The following KIF26B variants were observed in gnomAD, a reference collection of about 807,000 sequenced individuals.
The protein encoded by KIF26B is kinesin-like protein KIF26B.
A neutral mutation model predicts 151.2 loss-of-function variants in KIF26B; 63 were observed. The ratio of observed to expected loss-of-function variants is 0.42; its 90% CI spans 0.34 to 0.51. The LOEUF (loss-of-function observed/expected upper bound fraction) is 0.51, where lower values mean the gene tolerates loss of function less well. Ranked by LOEUF, KIF26B falls within the 20% of genes least tolerant of loss-of-function variation. The pLI is 0.07. For synonymous variants in KIF26B, 1,357 were observed against 1,262.1 expected (o/e 1.08, Z -1.59); for missense variants, 2,813 against 2,913.6 (o/e 0.97, Z 0.79).
At position 245,588,308 on chromosome 1, in the gene KIF26B, C is replaced by T. The variant is rs1184440862; in HGVS notation, c.1351-14269C>T. 3.3e-5 allele frequency among the ~76,000 whole-genome samples: 5 copies of T among 152,194 alleles called. No individual in the cohort carries two copies. The East Asian group carries it at 9.6e-4, about 29-fold the overall frequency. On this transcript the variant is annotated intron_variant, in intron 5 of 14. Transcript: ENST00000407071. The stretch of plus-strand genomic sequence containing the variant: ...AGAGAAGACACGTCCTCCTAATGAT[C>T]CTCCGTATTAGAACTTACCATTCTG...
intron 3 of KIF26B, among the ~76,000 whole-genome samples, chr1:245,411,881 A>G (rs1173644): frequency 0.52 from 79,555 of 151,962 alleles, 21,105 homozygotes; most frequent in South Asian, 0.64. Flanking sequence ...TGACTGGAGT[A>G]AGGTGCCCTC....
At chr1:245,312,030 G>C (rs1671675398) in intron 2 of KIF26B, among the ~76,000 whole-genome samples, 1 of 152,230 alleles carries the variant, frequency 6.6e-6, no homozygotes, top group South Asian at 2.1e-4. Context: ...TCCGGGGAGT[G>C]GTAGGCTGAT....
At chr1:245,256,027 T>C (rs907016) in intron 2 of KIF26B, among the ~76,000 whole-genome samples, 78,966 of 151,970 alleles carry the variant, frequency 0.52, 21,227 homozygotes, top group East Asian at 0.68. Flanking sequence ...TTTTCCTTCC[T>C]TTTTATTGGT....
chr1:245,640,143 C>CTCTCTCTCTCTCTCTCTCTA, intron 9 of KIF26B, among the ~76,000 whole-genome samples: 1 of 31,922 alleles, frequency 3.1e-5, no homozygotes, highest in Admixed American at 3.4e-4. Context: ...CTCTCTCTCT[C>CTCTCTCTCTCTCTCTCTCTA]TATATATATA....
At chr1:245,651,723 T>C (rs906283157) in intron 10 of KIF26B, among the ~76,000 whole-genome samples, 1 of 152,146 alleles carries the variant, frequency 6.6e-6, no homozygotes, top group Non-Finnish European at 1.5e-5. Flanking sequence ...TGGATTCTCA[T>C]AGGAACCTCA....
chr1:245,542,163 G>A (rs550421639), intron 5 of KIF26B, among the ~76,000 whole-genome samples: 21 of 152,260 alleles, frequency 1.4e-4, no homozygotes, highest in Non-Finnish European at 3.1e-4. Context: ...GACCAGCCTG[G>A]GTAACATAGC....
intron 5 of KIF26B, among the ~76,000 whole-genome samples, chr1:245,588,518 C>T (rs2043251774): frequency 6.6e-6 from 1 of 152,186 alleles, no homozygotes; most frequent in African/African-American, 2.4e-5. Flanking sequence ...TCTTATCAAC[C>T]CGTCCTTCAC....
intron 2 of KIF26B, among the ~76,000 whole-genome samples, chr1:245,168,401 T>C (rs1190730357): frequency 6.6e-6 from 1 of 152,238 alleles, no homozygotes; most frequent in Non-Finnish European, 1.5e-5. Context: ...TTCCTGTTTC[T>C]TAATAAAGCT....
chr1:245,526,782 G>C (rs984411104), intron 4 of KIF26B, among the ~76,000 whole-genome samples: 2 of 152,268 alleles, frequency 1.3e-5, no homozygotes, highest in Non-Finnish European at 2.9e-5. Context: ...TGTTGCTTCA[G>C]GCAACAAATT....
intron 2 of KIF26B, among the ~76,000 whole-genome samples, chr1:245,315,796 G>A (rs909236458): frequency 2.0e-5 from 3 of 152,178 alleles, no homozygotes; most frequent in Non-Finnish European, 2.9e-5. Flanking sequence ...GGCTGCTGAC[G>A]TGGGAGGATT....
intron 10 of KIF26B, among the ~76,000 whole-genome samples, chr1:245,674,545 T>C (rs1462266399): frequency 6.6e-6 from 1 of 152,224 alleles, no homozygotes; most frequent in Non-Finnish European, 1.5e-5. Flanking sequence ...GGCAGTCTAT[T>C]GATTCAGGAG....
rs145906070 is a variant in KIF26B, at chr1:245,370,703, A to G, written c.999+3336A>G. The G allele has an allele frequency of 1.6e-4, 72 of 445,194 alleles. 1 individual carries two copies. Among genetic ancestry groups the G allele is most frequent in the African/African-American group, 1.3e-3 (67 of 50,030 alleles). 27.6% of individuals were successfully genotyped at this position (445,194 alleles called of 1,614,324 possible). ...CCTGTAAAATATTCAAAGTGAGGTG[A>G]AAGTTTGTGTGTAAGTCGGAAACAC... On this transcript the variant is annotated intron_variant, in intron 3 of 14. Transcript: ENST00000407071.
intron 3 of KIF26B, among the ~76,000 whole-genome samples, chr1:245,416,513 G>A (rs1406542401): frequency 6.6e-6 from 1 of 152,130 alleles, no homozygotes; most frequent in Non-Finnish European, 1.5e-5. Flanking sequence ...CTAGAGACCT[G>A]GGGCTTTTGT....
In KIF26B at chr1:245,601,262, G is replaced by A. The variant is rs1331688739; in HGVS notation, c.1351-1315G>A. ...CAAGCACAGCGGGGACACGGTGCAG[G>A]ACACCTGCGGACCCAGTGCCCTTGG... On this transcript the variant is annotated intron_variant, in intron 5 of 14. Coordinates refer to ENST00000407071, the MANE Select transcript of KIF26B (RefSeq NM_018012.4). The surrounding 1 kb of genome is among the most constrained non-coding windows in gnomAD (Gnocchi z 4.4). Among the ~76,000 whole-genome samples, 1 of 152,216 alleles carries A rather than the reference G, an allele frequency of 6.6e-6. No homozygotes were observed. The highest frequency in any genetic ancestry group is 2.4e-5 in the African/African-American group (1 of 41,448).
At chr1:245,472,833 T>G (rs1007214194) in intron 4 of KIF26B, among the ~76,000 whole-genome samples, 5 of 152,216 alleles carry the variant, frequency 3.3e-5, no homozygotes, top group Non-Finnish European at 1.5e-5. Context: ...GGACCTACAA[T>G]GTGCTACTGA....
chr1:245,651,847 T>C (rs1441084311), intron 10 of KIF26B, among the ~76,000 whole-genome samples: 3 of 152,116 alleles, frequency 2.0e-5, no homozygotes, highest in African/African-American at 7.2e-5. Flanking sequence ...CCTACTCCCA[T>C]TGGGTCCATG....
chr1:245,322,940 C>T (rs556145760), intron 2 of KIF26B, among the ~76,000 whole-genome samples: 8 of 152,130 alleles, frequency 5.3e-5, no homozygotes, highest in African/African-American at 1.4e-4. Context: ...CATGGATGAA[C>T]GTTTCTCCAA....
intron 10 of KIF26B, among the ~76,000 whole-genome samples, chr1:245,660,737 C>T (rs999242798): frequency 6.6e-6 from 1 of 152,316 alleles, no homozygotes; most frequent in African/African-American, 2.4e-5. Flanking sequence ...TCTCTAAGTA[C>T]TGCTTTGTCT....
At chr1:245,580,188 A>G (rs888445333) in intron 5 of KIF26B, among the ~76,000 whole-genome samples, 4 of 152,122 alleles carry the variant, frequency 2.6e-5, no homozygotes, top group African/African-American at 7.2e-5. Flanking sequence ...AAAACCCCCA[A>G]TGTGCCCACC....
Sources: allele counts gnomAD v4.1 joint callset (sites outside exome capture counted in the v4.1 genomes callset), GRCh38; gene constraint gnomAD v4.1.1; non-coding constraint Gnocchi (gnomAD v3.1); transcripts MANE v1.5; gene names NCBI Gene and HGNC (gene_info 2026-07-23, HGNC 2026-07-21).